E2F5: variants seen among roughly 807,000 people sequenced by gnomAD.
The protein encoded by E2F5 is E2F transcription factor 5.
A neutral mutation model predicts 39.1 loss-of-function variants in E2F5; 23 were observed. The observed-to-expected ratio is 0.59, with a 90% CI of 0.42 to 0.83. E2F5 has a LOEUF of 0.83. E2F5 is among the 40% of genes least tolerant of loss of function. The probability of loss-of-function intolerance (pLI) is 0.00; values close to 1 mark genes in which losing one functional copy is unlikely to be tolerated. For missense variants in E2F5, 365 were observed against 406.7 expected (o/e 0.90, Z 0.88); for synonymous variants, 145 against 157.8 (o/e 0.92, Z 0.61).
chr8:85,184,033 G>A (rs1812275631), intron 1 of E2F5, among the ~76,000 whole-genome samples: 1 of 152,038 alleles, frequency 6.6e-6, no homozygotes, highest in South Asian at 2.1e-4. Context: ...GTAAGCCAAG[G>A]AGCGAGGCCT....
In E2F5 at chr8:85,207,467, T is replaced by C; in HGVS notation, c.593T>C (p.Leu198Pro). 6.4e-7 allele frequency: 1 copy of C among 1,561,572 alleles called. No homozygotes were observed. Among genetic ancestry groups the C allele is most frequent in the South Asian group, 1.2e-5 (1 of 84,758 alleles). ...LAIQAPSGTQ[L>P]EVPIPEMGQN... ...ATTCAGGCACCTTCTGGTACACAAC[T>C]GGAGGTACCCATTCCAGAAATGGTA... The change falls in exon 5 of 8, where the codon CTG (leucine) becomes CCG (proline). Residue 198 changes from leucine to proline, a missense_variant. By Grantham distance (98) the Leu-to-Pro change is moderately conservative. Coordinates refer to ENST00000416274, the MANE Select transcript of E2F5 (RefSeq NM_001951.4).
rs1219279108 is a variant in E2F5, at chr8:85,213,907, C to T, written c.*45C>T. 1 of 1,110,910 alleles carries T rather than the reference C, an allele frequency of 9.0e-7. No individual in the cohort carries two copies. Among genetic ancestry groups the T allele is most frequent in the Admixed American group, 2.0e-5 (1 of 51,168 alleles). The allele number at this position is 1,110,910 out of a possible 1,614,324, so 68.8% of individuals were successfully genotyped here. A position where few individuals can be genotyped will look rare whatever the true frequency, so the allele number is the denominator to read the frequency against. On this transcript the variant is annotated 3_prime_UTR_variant, in exon 8 of 8. Transcript: ENST00000416274. The stretch of plus-strand genomic sequence containing the variant: ...CTGTTATCTACCTCTAACTGTGTAA[C>T]ATTTTAGACTTCTTAATAACCTAAA...
intron 4 of E2F5, among the ~76,000 whole-genome samples, chr8:85,207,134 G>C (rs774278574): frequency 7.2e-5 from 11 of 152,206 alleles, no homozygotes; most frequent in Non-Finnish European, 1.5e-4. Flanking sequence ...AAGAATCTCA[G>C]ACTTTACAGG....
intron 1 of E2F5, among the ~76,000 whole-genome samples, chr8:85,185,647 G>T (rs924753579): frequency 2.2e-4 from 33 of 152,246 alleles, no homozygotes; most frequent in Non-Finnish European, 2.8e-4. Flanking sequence ...GATCTGCAAA[G>T]AACTTAGACG....
At chr8:85,178,864 G>A (rs1339911509) in intron 1 of E2F5, among the ~76,000 whole-genome samples, 1 of 152,200 alleles carries the variant, frequency 6.6e-6, no homozygotes, top group African/African-American at 2.4e-5. Context: ...TGTAGTTGGT[G>A]TTCAATCAGT....
intron 1 of E2F5, among the ~76,000 whole-genome samples, chr8:85,179,374 C>G (rs1425332379): frequency 6.6e-6 from 1 of 152,150 alleles, no homozygotes; most frequent in East Asian, 1.9e-4. Context: ...CTTTAGCTTC[C>G]TCCTGTTTCA....
chr8:85,204,317 T>C (rs966187300), intron 3 of E2F5, among the ~76,000 whole-genome samples: 2 of 152,070 alleles, frequency 1.3e-5, no homozygotes, highest in African/African-American at 4.8e-5. Flanking sequence ...CCATAAACCT[T>C]TCTGGCTGAG....
At chr8:85,183,023 G>A (rs554683797) in intron 1 of E2F5, among the ~76,000 whole-genome samples, 21 of 152,242 alleles carry the variant, frequency 1.4e-4, no homozygotes, top group African/African-American at 4.8e-4. Context: ...AGGCCGAGGC[G>A]GGCAGATCAC....
chr8:85,178,405 C>T (rs143504610), intron 1 of E2F5, among the ~76,000 whole-genome samples: 11 of 152,176 alleles, frequency 7.2e-5, no homozygotes, highest in African/African-American at 2.4e-4. Flanking sequence ...CCTGCGTCGT[C>T]CTTTACAGCG....
At position 85,177,390 on chromosome 8, in the gene E2F5, G is replaced by C. The variant is rs1416119213; in HGVS notation, c.-31G>C. The C allele has an allele frequency of 1.5e-5, 15 of 987,088 alleles. No homozygotes were observed. Among genetic ancestry groups the C allele is most frequent in the Non-Finnish European group, 1.7e-5 (14 of 832,036 alleles). The allele number at this position is 987,088 out of a possible 1,614,324, so 61.1% of individuals were successfully genotyped here. Reference sequence around the variant, plus strand: ...GCGGGGCCGGCGAGCGAAAGTGCGCGGGGGCCCGACCACCGCGGGGCCGGG... The same window carrying C: ...GCGGGGCCGGCGAGCGAAAGTGCGCCGGGGCCCGACCACCGCGGGGCCGGG... On this transcript the variant is annotated 5_prime_UTR_variant, in exon 1 of 8. Transcript: ENST00000416274.
chr8:85,204,320 T>A (rs1030310033), intron 3 of E2F5, among the ~76,000 whole-genome samples: 3 of 152,154 alleles, frequency 2.0e-5, no homozygotes, highest in African/African-American at 7.2e-5. Context: ...TAAACCTTTC[T>A]GGCTGAGGAG....
At chr8:85,203,363 T>C (rs1205264054) in intron 3 of E2F5, 108 bp downstream of exon 3, 9 of 849,872 alleles carry the variant, frequency 1.1e-5, no homozygotes, top group African/African-American at 1.8e-5. Context: ...TTAAGTTTTA[T>C]AAGTAAATAT....
intron 3 of E2F5, 44 bp from the exon 4 acceptor site, chr8:85,206,132 CT>C: frequency 6.3e-7 from 1 of 1,581,664 alleles, no homozygotes; most frequent in Non-Finnish European, 8.7e-7. Context: ...ATTTAAATGC[CT>C]ACGGCTTGAT....
At chr8:85,185,607 C>T (rs1812313905) in intron 1 of E2F5, among the ~76,000 whole-genome samples, 1 of 152,216 alleles carries the variant, frequency 6.6e-6, no homozygotes, top group African/African-American at 2.4e-5. Flanking sequence ...TCTTTGCAAT[C>T]TACCCATCTG....
At chr8:85,206,323 T>C in intron 4 of E2F5, 103 bp downstream of exon 4, 1 of 1,146,276 alleles carries the variant, frequency 8.7e-7, no homozygotes, top group Non-Finnish European at 1.3e-6. Context: ...TTTTCAGAAG[T>C]TGTGGGCATT....
intron 1 of E2F5, 158 bp downstream of exon 1, chr8:85,177,812 G>A: frequency 2.7e-6 from 3 of 1,130,916 alleles, no homozygotes; most frequent in Admixed American, 4.8e-5. Flanking sequence ...CGCCCGGGTC[G>A]TGGACGCCGG....
intron 1 of E2F5, among the ~76,000 whole-genome samples, chr8:85,190,996 G>A (rs906521719): frequency 6.6e-6 from 1 of 152,076 alleles, no homozygotes; most frequent in African/African-American, 2.4e-5. Flanking sequence ...CAAAGAAATC[G>A]ATTCTTCCTT....
At chr8:85,211,051 CTG>C (rs1812907711) in intron 6 of E2F5, among the ~76,000 whole-genome samples, 1 of 151,834 alleles carries the variant, frequency 6.6e-6, no homozygotes, top group Non-Finnish European at 1.5e-5. Context: ...GCGATGGAAA[CTG>C]TAGATGTTTG....
At chr8:85,177,675 C>CG in intron 1 of E2F5, 21 bp downstream of exon 1, 1 of 1,266,066 alleles carries the variant, frequency 7.9e-7, no homozygotes, top group Non-Finnish European at 1.0e-6. Context: ...GAGGCGGGGA[C>CG]GGGGGCGGAC....
Sources: gnomAD v4.1 joint callset for allele counts (sites outside exome capture counted in the v4.1 genomes callset) on GRCh38, gnomAD v4.1.1 for gene constraint, MANE v1.5 for transcripts, NCBI Gene and HGNC (gene_info 2026-07-23, HGNC 2026-07-21) for gene names.